The following NR5A1 variants were observed in gnomAD, a reference collection of about 807,000 sequenced individuals.
NR5A1 encodes the protein steroidogenic factor 1.
NR5A1 carries 6 observed loss-of-function variants against 42.7 expected under a neutral mutation model. That is an observed-to-expected ratio of 0.14 (90% CI 0.08 to 0.28). The LOEUF (loss-of-function observed/expected upper bound fraction) is 0.28, where lower values mean the gene tolerates loss of function less well. Ranked by LOEUF, NR5A1 falls within the 10% of genes least tolerant of loss-of-function variation. The pLI is 1.00. For synonymous variants in NR5A1, 274 were observed against 277.5 expected (o/e 0.99, Z 0.12); for missense variants, 442 against 626.4 (o/e 0.71, Z 3.14).
At chr9:124,507,005 G>A (rs1408828439) in intron 1 of NR5A1, 1 of 152,728 alleles carries the variant, frequency 6.5e-6, no homozygotes, top group Non-Finnish European at 1.5e-5. Context: ...GCCAGAGACA[G>A]CGGGACACCA....
chr9:124,503,490 T>C lies in NR5A1; in HGVS notation c.-15-80A>G. 1.7e-6 allele frequency: 2 copies of C among 1,202,358 alleles called. No individual in the cohort carries two copies. Among genetic ancestry groups the C allele is most frequent in the African/African-American group, 3.2e-5 (2 of 62,932 alleles). The allele number at this position is 1,202,358 out of a possible 1,614,324, so 74.5% of individuals were successfully genotyped here. ...CCCGCGGCCGCCGCCCCAGCCGCTGTCGCCGGCCCGTCGCGTAATCCCCTC... is the reference window on the plus strand; with the variant it reads ...CCCGCGGCCGCCGCCCCAGCCGCTGCCGCCGGCCCGTCGCGTAATCCCCTC... On this transcript the variant is annotated intron_variant, in intron 1 of 6. Transcript: ENST00000373588. This position sits in a 1 kb window ranked among gnomAD's most constrained non-coding sequence, Gnocchi z 9.6.
At position 124,498,299 on chromosome 9, in the gene NR5A1, T is replaced by C. The variant is rs1055212718; in HGVS notation, c.870+1791A>G. On this transcript the variant is annotated intron_variant, in intron 4 of 6. Coordinates refer to ENST00000373588, the MANE Select transcript of NR5A1 (RefSeq NM_004959.5). This position sits in a 1 kb window ranked among gnomAD's most constrained non-coding sequence, Gnocchi z 4.6. ...AGAGGCGCTCTAAGGGCTGGGCTGG[T>C]ACTTATCTGCAAGGCCCCTTTAGAG... is the stretch of plus-strand genomic sequence containing the variant. Among the ~76,000 whole-genome samples, 1 of 152,154 alleles carries C rather than the reference T, an allele frequency of 6.6e-6. No individual in the cohort carries two copies. Among genetic ancestry groups the C allele is most frequent in the African/African-American group, 2.4e-5 (1 of 41,426 alleles).
intron 4 of NR5A1, among the ~76,000 whole-genome samples, chr9:124,494,666 C>T (rs1832361440): frequency 6.6e-6 from 1 of 152,094 alleles, no homozygotes; most frequent in Admixed American, 6.5e-5. Flanking sequence ...GACCACTGCC[C>T]ACCTGGGGCC....
At chr9:124,492,217 G>A (rs571345236) in intron 5 of NR5A1, among the ~76,000 whole-genome samples, 1 of 151,062 alleles carries the variant, frequency 6.6e-6, no homozygotes, top group South Asian at 2.1e-4. Flanking sequence ...GCTGGACCCT[G>A]GCCATCAACC....
chr9:124,487,341 C>G (rs1483638933), intron 6 of NR5A1, among the ~76,000 whole-genome samples: 1 of 152,248 alleles, frequency 6.6e-6, no homozygotes, highest in Non-Finnish European at 1.5e-5. Context: ...CTTTTGTTGG[C>G]GCGGAGCAGT....
At chr9:124,505,724 G>A (rs987041848) in intron 1 of NR5A1, among the ~76,000 whole-genome samples, 1 of 152,160 alleles carries the variant, frequency 6.6e-6, no homozygotes, top group Non-Finnish European at 1.5e-5. Context: ...GCAGGAGCTG[G>A]GAGAGGAGCC....
At chr9:124,491,751 G>A (rs893797840) in intron 5 of NR5A1, among the ~76,000 whole-genome samples, 33 of 151,908 alleles carry the variant, frequency 2.2e-4, no homozygotes, top group Non-Finnish European at 1.3e-4. Flanking sequence ...GTGTGCACAC[G>A]GCCACACCCG....
rs142188133 is a variant in NR5A1, at chr9:124,482,830, G to A, written c.1314C>T (p.Tyr438=). The A allele has an allele frequency of 5.0e-5, 81 of 1,613,668 alleles. No homozygotes were observed. The African/African-American group carries it at 8.3e-4, about 16-fold the overall frequency. ...GCATCTCGTTGCCCAGGTGCTTGTG[G>A]TACAGGTACTCCTTGGCCTGCATGC... The part of the protein sequence containing the change: ...ALSMQAKEYL[Y]HKHLGNEMPR... The change falls in exon 7 of 7, where the codon TAC becomes TAT. Residue 438 remains tyrosine (Y), a synonymous_variant. Coordinates refer to ENST00000373588, the MANE Select transcript of NR5A1 (RefSeq NM_004959.5).
chr9:124,497,530 CCT>C (rs759583491), intron 4 of NR5A1, among the ~76,000 whole-genome samples: 6 of 152,308 alleles, frequency 3.9e-5, no homozygotes, highest in Admixed American at 6.5e-5. Flanking sequence ...CCCTGGCACC[CCT>C]GAGAGCTCAG....
intron 6 of NR5A1, among the ~76,000 whole-genome samples, chr9:124,484,662 GT>G (rs551943465): frequency 2.8e-4 from 42 of 152,272 alleles, no homozygotes; most frequent in Non-Finnish European, 1.2e-4. Context: ...GTTGAGGCTG[GT>G]GAATCAGGTG....
intron 5 of NR5A1, 98 bp from the exon 6 acceptor site, chr9:124,491,326 A>G: frequency 1.0e-6 from 1 of 980,880 alleles, no homozygotes; most frequent in Non-Finnish European, 1.5e-6. Flanking sequence ...CATGGATTGG[A>G]GGTGCAGGTC....
At chr9:124,504,024 C>CAGACAGAGAGAGAGAGAG (rs368063610) in intron 1 of NR5A1, among the ~76,000 whole-genome samples, 11 of 105,942 alleles carry the variant, frequency 1.0e-4, no homozygotes, top group African/African-American at 6.5e-4. Flanking sequence ...GACAGGGAGA[C>CAGACAGAGAGAGAGAGAG]AGAGAGAGAG....
chr9:124,488,059 C>A (rs1465108441), intron 6 of NR5A1, among the ~76,000 whole-genome samples: 1 of 152,048 alleles, frequency 6.6e-6, no homozygotes, highest in Non-Finnish European at 1.5e-5. Context: ...CGTCCCCACC[C>A]CTGCAGCCAC....
In NR5A1 at chr9:124,482,704, CCAGGCCCCGCCCCCAGTCCCGCCCCCAGT is replaced by C; in HGVS notation, c.*25_*53del. ...GCCAGCGGTGTGGCTGCGGCCCCGC[CCAGGCCCCGCCCCCAGTCCCGCCCCCAGT>C]CCCGGCCCCGCCCCCGGCCCAGGCT... is the stretch of plus-strand genomic sequence containing the variant. On this transcript the variant is annotated 3_prime_UTR_variant, in exon 7 of 7. Coordinates refer to ENST00000373588, the MANE Select transcript of NR5A1 (RefSeq NM_004959.5). The C allele has an allele frequency of 1.6e-6, 1 of 632,366 alleles. No individual in the cohort carries two copies. The highest frequency in any genetic ancestry group is 2.8e-6 in the Non-Finnish European group (1 of 361,004). 39.2% of individuals were successfully genotyped at this position (632,366 alleles called of 1,614,324 possible).
intron 4 of NR5A1, among the ~76,000 whole-genome samples, chr9:124,493,873 T>C (rs943088098): frequency 2.0e-5 from 3 of 152,172 alleles, no homozygotes; most frequent in Non-Finnish European, 1.5e-5. Flanking sequence ...GAGTGTCCTT[T>C]GACTCTGCAG....
Position 124,498,910 on chromosome 9 carries a change from A to C in NR5A1, c.870+1180T>G, listed in dbSNP as rs1588621170. 6.7e-6 allele frequency among the ~76,000 whole-genome samples: 1 copy of C among 149,766 alleles called. No homozygotes were observed. The highest frequency in any genetic ancestry group is 2.0e-4 in the East Asian group (1 of 5,046). ...CCTAGGGCTCGGAGCACCCACCCCC[A>C]CCTACCAGCCAGGGCAGGCAGTGCC... On this transcript the variant is annotated intron_variant, in intron 4 of 6. Coordinates refer to ENST00000373588, the MANE Select transcript of NR5A1 (RefSeq NM_004959.5). This position sits in a 1 kb window ranked among gnomAD's most constrained non-coding sequence, Gnocchi z 4.6.
rs375089632 is a variant in NR5A1, at chr9:124,494,445, G to T, written c.871-1296C>A. 4.6e-5 allele frequency among the ~76,000 whole-genome samples: 7 copies of T among 152,284 alleles called. No individual in the cohort carries two copies. The East Asian group carries it at 9.6e-4, about 21-fold the overall frequency. On this transcript the variant is annotated intron_variant, in intron 4 of 6. Coordinates refer to ENST00000373588, the MANE Select transcript of NR5A1 (RefSeq NM_004959.5). ...TGCCTCCTCTACAGATCCTCTACCT[G>T]ATCCCTCTCCTTCCTCGAGGCCCTC...
Position 124,501,036 on chromosome 9 carries a change from T to G in NR5A1, c.245-321A>C. The G allele has an allele frequency of 1.6e-6, 1 of 626,580 alleles. No homozygotes were observed. Among genetic ancestry groups the G allele is most frequent in the Non-Finnish European group, 3.1e-6 (1 of 326,964 alleles). 38.8% of individuals were successfully genotyped at this position (626,580 alleles called of 1,614,324 possible). ...TCAAACTTTTTTTTTTCTCTTGTGC[T>G]TGCTGAACACCCAGCCTCAATGTCA... On this transcript the variant is annotated intron_variant, in intron 3 of 6. Transcript: ENST00000373588. This position sits in a 1 kb window ranked among gnomAD's most constrained non-coding sequence, Gnocchi z 4.1.
chr9:124,491,758 C>T (rs559917859), intron 5 of NR5A1, among the ~76,000 whole-genome samples: 8 of 152,270 alleles, frequency 5.3e-5, no homozygotes, highest in African/African-American at 1.9e-4. Flanking sequence ...CACGGCCACA[C>T]CCGCCCTTGT....
Sources: allele counts gnomAD v4.1 joint callset (sites outside exome capture counted in the v4.1 genomes callset), GRCh38; gene constraint gnomAD v4.1.1; non-coding constraint Gnocchi (gnomAD v3.1); transcripts MANE v1.5; gene names NCBI Gene and HGNC (gene_info 2026-07-23, HGNC 2026-07-21).